ACVR1C: variants seen among roughly 807,000 people sequenced by gnomAD.
The protein encoded by ACVR1C is activin A receptor type 1C, also known as activin receptor type-1C.
A neutral mutation model predicts 57.9 loss-of-function variants in ACVR1C; 23 were observed. The observed-to-expected ratio is 0.40, with a 90% CI of 0.29 to 0.56. The LOEUF is 0.56. Among genes scored for constraint, ACVR1C ranks in the 20% least tolerant of loss-of-function variants. The pLI is 0.50. For synonymous variants in ACVR1C, 214 were observed against 215.3 expected, an observed-to-expected ratio of 0.99 and a Z score of 0.05; for missense variants, 480 against 607.9, an observed-to-expected ratio of 0.79 and a Z score of 2.21.
chr2:157,594,370 A>G lies in ACVR1C; in HGVS notation c.74-6953T>C, dbSNP rs189422173. 2.2e-3 allele frequency among the ~76,000 whole-genome samples: 327 copies of G among 152,042 alleles called. 1 individual carries two copies. Among genetic ancestry groups the G allele is most frequent in the Non-Finnish European group, 3.5e-3 (239 of 67,992 alleles). On this transcript the variant is annotated intron_variant, in intron 1 of 8. Coordinates refer to ENST00000243349, the MANE Select transcript of ACVR1C (RefSeq NM_145259.3). ...TCTGCTACTCTGAACTTGTGTCACA[A>G]TTCTCAATATAAGTGACTTAAGGAT...
At chr2:157,538,459 C>A (rs1313962716) in intron 8 of ACVR1C, 114 bp downstream of exon 8, 5 of 1,016,160 alleles carry the variant, frequency 4.9e-6, no homozygotes, top group Non-Finnish European at 6.6e-6. Flanking sequence ...TATAAAAAGA[C>A]GTATGTCTAC....
intron 3 of ACVR1C, among the ~76,000 whole-genome samples, chr2:157,554,815 C>T (rs139979942): frequency 1.1e-3 from 174 of 152,012 alleles, no homozygotes; most frequent in Non-Finnish European, 2.2e-3. Context: ...ATGATCCTTC[C>T]AAAACAAGAA....
chr2:157,550,502 AT>A, intron 3 of ACVR1C, 110 bp from the exon 4 acceptor site: 2 of 974,430 alleles, frequency 2.1e-6, no homozygotes, highest in Non-Finnish European at 3.0e-6. Context: ...TGCTTTAATA[AT>A]TTTATCTATT....
At chr2:157,550,014 AAAAG>A (rs1687876625) in intron 4 of ACVR1C, 144 bp downstream of exon 4, 2 of 754,650 alleles carry the variant, frequency 2.7e-6, no homozygotes, top group Admixed American at 3.0e-5. Flanking sequence ...AAAAAAAAAA[AAAAG>A]AAAGAAAAGG....
At chr2:157,620,595 T>C (rs1303557993) in intron 1 of ACVR1C, among the ~76,000 whole-genome samples, 1 of 152,132 alleles carries the variant, frequency 6.6e-6, no homozygotes, top group East Asian at 1.9e-4. Context: ...AAAAAATTTA[T>C]ATTTGTTGTT....
rs541205202 is a variant in ACVR1C at position 157,592,631 on chromosome 2, C to T, written c.74-5214G>A. Among the ~76,000 whole-genome samples the T allele has an allele frequency of 4.9e-4, 74 of 152,178 alleles. 2 individuals carry two copies. The highest frequency in any genetic ancestry group is 1.8e-3 in the Admixed American group (28 of 15,274). ...AAGTAACATACGACATACTCAGCCT[C>T]TCATATTTCATTTCCCACCAGTCCA... is the stretch of plus-strand genomic sequence containing the variant. On this transcript the variant is annotated intron_variant, in intron 1 of 8. Coordinates refer to ENST00000243349, the MANE Select transcript of ACVR1C (RefSeq NM_145259.3).
rs1427848443 is a variant in ACVR1C at position 157,531,793 on chromosome 2, A to G, written c.*2125T>C. The G allele has an allele frequency of 2.6e-5, 4 of 152,106 alleles. No individual in the cohort carries two copies. Among genetic ancestry groups the G allele is most frequent in the Non-Finnish European group, 2.9e-5 (2 of 67,968 alleles). The allele number at this position is 152,106 out of a possible 1,614,324, so 9.4% of individuals were successfully genotyped here. On this transcript the variant is annotated 3_prime_UTR_variant, in exon 9 of 9. Transcript: ENST00000243349. ...ATATCCAAATAAAGCTACTTTCTAA[A>G]TGTGTTGCAAATGAAAGCAATTTTC...
intron 1 of ACVR1C, among the ~76,000 whole-genome samples, chr2:157,608,383 T>C (rs901961999): frequency 1.6e-4 from 25 of 151,966 alleles, no homozygotes; most frequent in African/African-American, 6.0e-4. Flanking sequence ...TAGATTCAGT[T>C]TGTTAGTATT....
intron 4 of ACVR1C, among the ~76,000 whole-genome samples, chr2:157,549,829 C>CAAAAAAAAAA (rs1173469291): frequency 5.1e-4 from 24 of 47,478 alleles, no homozygotes; most frequent in East Asian, 2.0e-3. Flanking sequence ...ACTAAAAATA[C>CAAAAAAAAAA]AAAAAAAAAA....
At chr2:157,565,226 C>T (rs1385376655) in intron 2 of ACVR1C, among the ~76,000 whole-genome samples, 1 of 152,038 alleles carries the variant, frequency 6.6e-6, no homozygotes, top group Non-Finnish European at 1.5e-5. Flanking sequence ...TAAAAGAATA[C>T]ATAACTGCAC....
At chr2:157,627,746 GCTC>G (rs1410063348) in intron 1 of ACVR1C, among the ~76,000 whole-genome samples, 3 of 152,196 alleles carry the variant, frequency 2.0e-5, no homozygotes, top group Non-Finnish European at 4.4e-5. Flanking sequence ...CAAAGAATCT[GCTC>G]CTCCTCTGCA....
chr2:157,561,426 G>A lies in ACVR1C; in HGVS notation c.305-5094C>T, dbSNP rs74929857. Among the ~76,000 whole-genome samples, 564 of 152,280 alleles carry A rather than the reference G, an allele frequency of 3.7e-3. 2 individuals carry two copies. Among genetic ancestry groups the A allele is most frequent in the Non-Finnish European group, 6.1e-3 (414 of 68,022 alleles). ...GGGTCTGTTTCTATCCTGGCACCTGGGAGAAATTCCACCACTGTCAACTGA... is the reference window on the plus strand; with the variant it reads ...GGGTCTGTTTCTATCCTGGCACCTGAGAGAAATTCCACCACTGTCAACTGA... On this transcript the variant is annotated intron_variant, in intron 2 of 8. Transcript: ENST00000243349.
chr2:157,540,701 G>A (rs1687606538), intron 7 of ACVR1C, among the ~76,000 whole-genome samples: 1 of 152,028 alleles, frequency 6.6e-6, no homozygotes, highest in African/African-American at 2.4e-5. Context: ...TCATATCACA[G>A]GGAAGAAAAA....
chr2:157,618,044 T>C (rs1241098861), intron 1 of ACVR1C, among the ~76,000 whole-genome samples: 2 of 151,918 alleles, frequency 1.3e-5, no homozygotes, highest in African/African-American at 2.4e-5. Flanking sequence ...CTTTGATTTA[T>C]ACAAAGCAAT....
intron 7 of ACVR1C, 90 bp downstream of exon 7, chr2:157,541,000 A>G: frequency 7.0e-7 from 1 of 1,429,336 alleles, no homozygotes; most frequent in Non-Finnish European, 9.5e-7. Context: ...CTGATTGAAT[A>G]TAGTGCTTAG....
chr2:157,628,602 G>T lies in ACVR1C; in HGVS notation c.43C>A (p.Leu15Met). 1 of 1,606,658 alleles carries T rather than the reference G, an allele frequency of 6.2e-7. No individual in the cohort carries two copies. The change falls in exon 1 of 9, where the codon CTG (leucine) becomes ATG (methionine). Residue 15 changes from leucine (L) to methionine (M), a missense_variant. Leu to Met is a conservative substitution (Grantham distance 15). Transcript: ENST00000243349. The part of the protein sequence containing the change: ...LCSALRQALL[L>M]LAAAAELSPG... ...GAGAGCTCGGCGGCCGCTGCGAGCA[G>T]CAGGAGAGCCTGGCGGAGCGCTGAG...
intron 2 of ACVR1C, among the ~76,000 whole-genome samples, chr2:157,582,510 T>C (rs1216888204): frequency 6.6e-6 from 1 of 152,188 alleles, no homozygotes; most frequent in Non-Finnish European, 1.5e-5. Context: ...AAAAATTTAA[T>C]ATCCATTCAA....
At chr2:157,555,648 A>C (rs1688082811) in intron 3 of ACVR1C, among the ~76,000 whole-genome samples, 1 of 152,154 alleles carries the variant, frequency 6.6e-6, no homozygotes, top group Non-Finnish European at 1.5e-5. Context: ...TCATACCCAC[A>C]AGCAAAAGAG....
intron 1 of ACVR1C, among the ~76,000 whole-genome samples, chr2:157,602,870 A>G (rs1454689997): frequency 2.0e-5 from 3 of 152,196 alleles, no homozygotes; most frequent in African/African-American, 4.8e-5. Context: ...CTAATTTCCT[A>G]TAAAGAATAT....
Sources: allele counts gnomAD v4.1 joint callset (sites outside exome capture counted in the v4.1 genomes callset), GRCh38; gene constraint gnomAD v4.1.1; transcripts MANE v1.5; gene names NCBI Gene and HGNC (gene_info 2026-07-23, HGNC 2026-07-21).